POU2F2: variants seen among roughly 807,000 people sequenced by gnomAD.
POU2F2 encodes the protein POU class 2 homeobox 2, also known as POU domain, class 2, transcription factor 2.
Under a neutral mutation model 63.5 loss-of-function variants are expected in POU2F2, and 14 were observed. The ratio of observed to expected loss-of-function variants is 0.22; its 90% CI spans 0.15 to 0.34. The LOEUF (loss-of-function observed/expected upper bound fraction) is 0.34, where lower values mean the gene tolerates loss of function less well. POU2F2 is among the 10% of genes least tolerant of loss of function. The probability of loss-of-function intolerance (pLI) is 1.00; values close to 1 mark genes in which losing one functional copy is unlikely to be tolerated. For missense variants in POU2F2, 607 were observed against 815.2 expected, an observed-to-expected ratio of 0.74 and a Z score of 3.11; for synonymous variants, 306 against 348.6, an observed-to-expected ratio of 0.88 and a Z score of 1.36.
At chr19:42,127,677 G>A (rs947270439) in intron 1 of POU2F2, among the ~76,000 whole-genome samples, 22 of 151,990 alleles carry the variant, frequency 1.4e-4, no homozygotes, top group African/African-American at 3.6e-4. Context: ...CACCACGCCC[G>A]GCCATAAGCT....
rs1033559293 is a variant in POU2F2 at position 42,097,486 on chromosome 19, G to A, written c.568-1243C>T. Among the ~76,000 whole-genome samples, 6 of 150,258 alleles carry A rather than the reference G, an allele frequency of 4.0e-5. No individual in the cohort carries two copies. The East Asian group carries it at 5.8e-4, about 15-fold the overall frequency. On this transcript the variant is annotated intron_variant, in intron 7 of 14. Coordinates refer to ENST00000692977, the MANE Select transcript of POU2F2 (RefSeq NM_001394376.1). Reference sequence around the variant, plus strand: ...TGCTGGGATTACAGGGGTGACCACTGCGCCCTGCCTTTTTTTTTTTTTTTG... The same window carrying A: ...TGCTGGGATTACAGGGGTGACCACTACGCCCTGCCTTTTTTTTTTTTTTTG...
chr19:42,132,153 G>A (rs1194391513), intron 1 of POU2F2, among the ~76,000 whole-genome samples: 1 of 152,166 alleles, frequency 6.6e-6, no homozygotes, highest in Non-Finnish European at 1.5e-5. Context: ...TTCGGAACAG[G>A]GCAACAGAGA....
intron 5 of POU2F2, among the ~76,000 whole-genome samples, chr19:42,106,044 T>TTTCTTTCTTTCTTTC (rs2029887847): frequency 6.8e-6 from 1 of 147,390 alleles, no homozygotes; most frequent in African/African-American, 2.5e-5. Flanking sequence ...TCTTTCTTTC[T>TTTCTTTCTTTCTTTC]TTCTTTCTTC....
In POU2F2 at chr19:42,095,722, G is replaced by A; in HGVS notation, c.872-29C>T. ...TGCGCCGGGGGAGACGTGAGCATGAGAAGGGGCCTCCCGCGGCCAGCGGCC... is the reference window on the plus strand; with the variant it reads ...TGCGCCGGGGGAGACGTGAGCATGAAAAGGGGCCTCCCGCGGCCAGCGGCC... On this transcript the variant is annotated intron_variant, in intron 9 of 14. Coordinates refer to ENST00000692977, the MANE Select transcript of POU2F2 (RefSeq NM_001394376.1). This position sits in a 1 kb window ranked among gnomAD's most constrained non-coding sequence, Gnocchi z 7.1. The A allele has an allele frequency of 1.9e-6, 3 of 1,612,232 alleles. No individual in the cohort carries two copies. The highest frequency in any genetic ancestry group is 2.5e-6 in the Non-Finnish European group (3 of 1,179,838).
chr19:42,191,206 C>T (rs1385620021), intron 1 of POU2F2, among the ~76,000 whole-genome samples: 1 of 152,190 alleles, frequency 6.6e-6, no homozygotes, highest in Non-Finnish European at 1.5e-5. Flanking sequence ...CATCGGACCC[C>T]CCCTTGCTCT....
At chr19:42,141,554 T>A (rs189045379) in intron 2 of POU2F2, among the ~76,000 whole-genome samples, 13 of 146,096 alleles carry the variant, frequency 8.9e-5, no homozygotes, top group African/African-American at 3.3e-4. Flanking sequence ...CAATCTTGGC[T>A]CACTACAACC....
intron 5 of POU2F2, among the ~76,000 whole-genome samples, chr19:42,111,549 G>T (rs1406066476): frequency 6.6e-6 from 1 of 152,094 alleles, no homozygotes; most frequent in African/African-American, 2.4e-5. Flanking sequence ...ACCCTAACAT[G>T]TCCAAAATGA....
chr19:42,090,494 T>TA lies in POU2F2; in HGVS notation c.*762dup, dbSNP rs1262690007. 1 of 152,466 alleles carries TA rather than the reference T, an allele frequency of 6.6e-6. No individual in the cohort carries two copies. Among genetic ancestry groups the TA allele is most frequent in the East Asian group, 1.9e-4 (1 of 5,174 alleles). 9.4% of individuals were successfully genotyped at this position (152,466 alleles called of 1,614,324 possible). The stretch of plus-strand genomic sequence containing the variant: ...CCCCTGCTGGGGGGAGGGAGGAGGT[T>TA]AAAGCAAGACCCCCTGCCCAGGTGG... On this transcript the variant is annotated 3_prime_UTR_variant, in exon 15 of 15. Transcript: ENST00000692977. This position sits in a 1 kb window ranked among gnomAD's most constrained non-coding sequence, Gnocchi z 4.4.
chr19:42,162,824 C>A lies in POU2F2; in HGVS notation c.-69-2432G>T, dbSNP rs2034577185. 6.6e-6 allele frequency among the ~76,000 whole-genome samples: 1 copy of A among 152,150 alleles called. No individual in the cohort carries two copies. Among genetic ancestry groups the A allele is most frequent in the Non-Finnish European group, 1.5e-5 (1 of 68,014 alleles). On this transcript the variant is annotated intron_variant, in intron 1 of 6. Transcript: ENST00000524801. This position sits in a 1 kb window ranked among gnomAD's most constrained non-coding sequence, Gnocchi z 4.1. Reference sequence around the variant, plus strand: ...CCTAAGAATGATGACGCCACTTGCCCCCACAGACACAGAATGCCCACATAC... The same window carrying A: ...CCTAAGAATGATGACGCCACTTGCCACCACAGACACAGAATGCCCACATAC...
In POU2F2 at chr19:42,117,910, C is replaced by T. The variant is rs899518104; in HGVS notation, c.187-478G>A. On this transcript the variant is annotated intron_variant, in intron 4 of 14. Transcript: ENST00000692977. This position sits in a 1 kb window ranked among gnomAD's most constrained non-coding sequence, Gnocchi z 4.4. ...CCTTCATCTGTATCACACAGAGGTACATCTCTCTTGCTTTTTTTTTCTTTT... is the reference window on the plus strand; with the variant it reads ...CCTTCATCTGTATCACACAGAGGTATATCTCTCTTGCTTTTTTTTTCTTTT... Among the ~76,000 whole-genome samples, 2 of 151,672 alleles carry T rather than the reference C, an allele frequency of 1.3e-5. No homozygotes were observed. The highest frequency in any genetic ancestry group is 6.6e-5 in the Admixed American group (1 of 15,234).
At chr19:42,151,348 C>T (rs902932764) in intron 2 of POU2F2, among the ~76,000 whole-genome samples, 1 of 152,174 alleles carries the variant, frequency 6.6e-6, no homozygotes, top group South Asian at 2.1e-4. Context: ...CCTCTGCCCT[C>T]CCCCTCGGGT....
At chr19:42,187,245 CCT>C (rs2035022267) in intron 1 of POU2F2, among the ~76,000 whole-genome samples, 1 of 152,076 alleles carries the variant, frequency 6.6e-6, no homozygotes, top group Non-Finnish European at 1.5e-5. Flanking sequence ...GGGCGGATCA[CCT>C]GAGGTCAGGA....
rs781059808 is a variant in POU2F2, at chr19:42,116,864, A to AGGAGGAGGC, written c.369+377_369+385dup. 110 of 438,702 alleles carry AGGAGGAGGC rather than the reference A, an allele frequency of 2.5e-4. 1 individual carries two copies. The highest frequency in any genetic ancestry group is 1.7e-3 in the South Asian group (105 of 60,372). The allele number at this position is 438,702 out of a possible 1,614,324, so 27.2% of individuals were successfully genotyped here. ...GAGGAGGAGGAGGAGGAGGAAGTAG[A>AGGAGGAGGC]GGAGGAGGCGGAGGCGGCGGCGGCG... On this transcript the variant is annotated intron_variant, in intron 5 of 14. Transcript: ENST00000692977.
At chr19:42,132,650 C>G, upstream of POU2F2, 1 of 406,826 alleles carries the variant, frequency 2.5e-6, no homozygotes, top group Non-Finnish European at 4.3e-6. Flanking sequence ...CTGGAAGAGC[C>G]GACTCCTACG....
intron 5 of POU2F2, among the ~76,000 whole-genome samples, chr19:42,113,805 G>C (rs976990734): frequency 4.6e-5 from 7 of 152,290 alleles, no homozygotes; most frequent in East Asian, 1.9e-4. Context: ...AGTGGACTGG[G>C]GGGTGGAGGT....
At chr19:42,142,792 G>A (rs950206900) in intron 2 of POU2F2, among the ~76,000 whole-genome samples, 6 of 151,302 alleles carry the variant, frequency 4.0e-5, no homozygotes, top group East Asian at 3.9e-4. Context: ...TTGAACTCCC[G>A]GGCTCAAGCG....
At chr19:42,120,237 G>A (rs2032441944) in intron 4 of POU2F2, among the ~76,000 whole-genome samples, 1 of 139,548 alleles carries the variant, frequency 7.2e-6, no homozygotes, top group Admixed American at 7.4e-5. Flanking sequence ...TTTTTTTTGA[G>A]CTGGAGTCTT....
chr19:42,099,869 GT>G, intron 5 of POU2F2, 48 bp from the exon 6 acceptor site: 1 of 1,451,916 alleles, frequency 6.9e-7, no homozygotes, highest in Non-Finnish European at 9.4e-7. Flanking sequence ...TCCTGGCTGG[GT>G]TTCATCCTCT....
Position 42,095,644 on chromosome 19 carries a change from G to A in POU2F2, c.921C>T (p.Ser307=), listed in dbSNP as rs1031109419. Residue 307 remains serine (S), a synonymous_variant, in exon 10 of 15, where the codon AGC becomes AGT. Coordinates refer to ENST00000692977, the MANE Select transcript of POU2F2 (RefSeq NM_001394376.1). This position sits in a 1 kb window ranked among gnomAD's most constrained non-coding sequence, Gnocchi z 7.1. ...GCAGGCCGTCGAAACCCAGGCTGGGGCTGCTCAGCTGGTTGGGGCTGGGCA... is the reference window on the plus strand; with the variant it reads ...GCAGGCCGTCGAAACCCAGGCTGGGACTGCTCAGCTGGTTGGGGCTGGGCA... The part of the protein sequence containing the change: ...SSLPSPNQLS[S]PSLGFDGLPG... 5 of 1,612,956 alleles carry A rather than the reference G, an allele frequency of 3.1e-6. No homozygotes were observed. The East Asian group carries it at 6.7e-5, about 22-fold the overall frequency.
Sources: gnomAD v4.1 joint callset for allele counts (sites outside exome capture counted in the v4.1 genomes callset) on GRCh38, gnomAD v4.1.1 for gene constraint, Gnocchi (gnomAD v3.1) non-coding constraint, MANE v1.5 for transcripts, NCBI Gene and HGNC (gene_info 2026-07-23, HGNC 2026-07-21) for gene names.